Variants in DNAH12 observed in about 807,000 individuals in gnomAD.
The protein encoded by DNAH12 is dynein axonemal heavy chain 12, also known as axonemal beta dynein heavy chain 12.
DNAH12 carries 285 observed loss-of-function variants against 371.5 expected under a neutral mutation model. The ratio of observed to expected loss-of-function variants is 0.77; its 90% confidence interval spans 0.70 to 0.85. DNAH12 has a LOEUF of 0.85. Among genes scored for constraint, DNAH12 ranks in the 40% least tolerant of loss-of-function variants. The pLI is 0.00. For synonymous variants in DNAH12, 1,200 were observed against 1,213.0 expected, an observed-to-expected ratio of 0.99 and a Z score of 0.22; for missense variants, 3,611 against 3,689.4, an observed-to-expected ratio of 0.98 and a Z score of 0.55.
intron 11 of DNAH12, among the ~76,000 whole-genome samples, chr3:57,498,872 G>A (rs1337818322): frequency 1.3e-5 from 2 of 152,002 alleles, no homozygotes; most frequent in African/African-American, 2.4e-5. Flanking sequence ...GGTGATGGGT[G>A]CCTGTAATCC....
intron 39 of DNAH12, among the ~76,000 whole-genome samples, chr3:57,411,296 G>A (rs1298445988): frequency 6.6e-6 from 1 of 152,062 alleles, no homozygotes; most frequent in Non-Finnish European, 1.5e-5. Flanking sequence ...GGGAGGCCGA[G>A]GAAGGTGGAT....
chr3:57,408,641 A>T (rs1024139970), intron 39 of DNAH12, 106 bp from the exon 40 acceptor site: 2 of 1,315,388 alleles, frequency 1.5e-6, no homozygotes, highest in Non-Finnish European at 2.0e-6. Context: ...GCTTCTCTAA[A>T]AGGAATAACT....
chr3:57,487,896 T>G (rs947681746), intron 12 of DNAH12, among the ~76,000 whole-genome samples: 4 of 151,812 alleles, frequency 2.6e-5, no homozygotes, highest in East Asian at 1.9e-4. Flanking sequence ...TGTTTTTTGG[T>G]TTTTTTTAAC....
At chr3:57,508,581 T>A in intron 6 of DNAH12, 41 bp from the exon 7 acceptor site, 1 of 1,583,122 alleles carries the variant, frequency 6.3e-7, no homozygotes, top group South Asian at 1.2e-5. Context: ...ATGAAAATAA[T>A]ACACCCTAAA....
chr3:57,334,453 T>C lies in DNAH12; in HGVS notation c.9978+12A>G, dbSNP rs1368152089. ...TTATCTGGGTTCCAAATAGAACACA[T>C]TGGTCTTTTACCTTATCAGGTCTTA... is the stretch of plus-strand genomic sequence containing the variant. On this transcript the variant is annotated intron_variant, in intron 62 of 73. Coordinates refer to ENST00000495027, the MANE Select transcript of DNAH12 (RefSeq NM_001366028.2). 7 of 1,540,860 alleles carry C rather than the reference T, an allele frequency of 4.5e-6. No homozygotes were observed. In the East Asian group the frequency reaches 7.4e-5, roughly 16 times the overall value.
Position 57,359,788 on chromosome 3 carries a change from T to C in DNAH12, c.9361-2440A>G, listed in dbSNP as rs935964477. On this transcript the variant is annotated intron_variant, in intron 58 of 73. Coordinates refer to ENST00000495027, the MANE Select transcript of DNAH12 (RefSeq NM_001366028.2). ...AATAAACTTGTAAAGTTTTGTTTGTTTGTTTAATCTTGTGGGTTCAGGGAA... is the reference window on the plus strand; with the variant it reads ...AATAAACTTGTAAAGTTTTGTTTGTCTGTTTAATCTTGTGGGTTCAGGGAA... Among the ~76,000 whole-genome samples, 981 of 152,198 alleles carry C rather than the reference T, an allele frequency of 6.4e-3. 12 individuals carry two copies. Among genetic ancestry groups the C allele is most frequent in the African/African-American group, 0.023 (941 of 41,534 alleles).
chr3:57,303,916 G>T (rs2061414813), intron 69 of DNAH12, among the ~76,000 whole-genome samples: 1 of 152,124 alleles, frequency 6.6e-6, no homozygotes, highest in African/African-American at 2.4e-5. Context: ...TAAATGGCCT[G>T]TTCCTGCCTT....
At chr3:57,480,913 C>T (rs950379737) in intron 13 of DNAH12, among the ~76,000 whole-genome samples, 17 of 152,196 alleles carry the variant, frequency 1.1e-4, no homozygotes, top group East Asian at 3.9e-4. Context: ...ATTGATGGGA[C>T]GTATCTCAAA....
chr3:57,545,623 G>A (rs1353248697), upstream of DNAH12, among the ~76,000 whole-genome samples: 1 of 152,062 alleles, frequency 6.6e-6, no homozygotes, highest in East Asian at 1.9e-4. Context: ...GCATTAGGTA[G>A]ATAGCAAGGG....
chr3:57,510,639 GA>G (rs199820628), intron 5 of DNAH12, 150 bp downstream of exon 5: 18 of 740,618 alleles, frequency 2.4e-5, no homozygotes, highest in South Asian at 6.0e-5. Context: ...ATGTCTCGAA[GA>G]AAAAAAATAA....
chr3:57,420,927 A>AAAAG (rs1345523065), intron 36 of DNAH12, among the ~76,000 whole-genome samples: 1 of 151,534 alleles, frequency 6.6e-6, no homozygotes, highest in Non-Finnish European at 1.5e-5. Context: ...AAAAAAAAAA[A>AAAAG]AAAGAAAGAA....
At chr3:57,515,397 A>T (rs990394928) in intron 4 of DNAH12, among the ~76,000 whole-genome samples, 15 of 151,868 alleles carry the variant, frequency 9.9e-5, no homozygotes, top group African/African-American at 3.4e-4. Context: ...AAAAAAGACG[A>T]AAGAGTCAAC....
intron 11 of DNAH12, among the ~76,000 whole-genome samples, chr3:57,493,075 C>T (rs9311650): frequency 0.67 from 101,696 of 152,008 alleles, 34,244 homozygotes; most frequent in South Asian, 0.75. Context: ...ATATTTAGGA[C>T]TTATAGACAC....
At chr3:57,404,919 A>G (rs1298128824) in intron 42 of DNAH12, 50 bp downstream of exon 42, 2 of 1,407,938 alleles carry the variant, frequency 1.4e-6, no homozygotes, top group South Asian at 1.7e-5. Flanking sequence ...ACATTTCATA[A>G]TAACATTTTA....
At chr3:57,466,093 CCAG>C (rs1025183723) in intron 17 of DNAH12, among the ~76,000 whole-genome samples, 1 of 145,890 alleles carries the variant, frequency 6.9e-6, no homozygotes, top group African/African-American at 2.5e-5. Context: ...CACACACACA[CCAG>C]ATTAGTCATA....
intron 19 of DNAH12, among the ~76,000 whole-genome samples, chr3:57,461,117 G>A (rs2066042429): frequency 6.6e-6 from 1 of 152,032 alleles, no homozygotes; most frequent in Non-Finnish European, 1.5e-5. Flanking sequence ...TATGCTAGCT[G>A]TTTACAACTA....
At chr3:57,312,387 G>A (rs900183485) in intron 66 of DNAH12, among the ~76,000 whole-genome samples, 3 of 152,166 alleles carry the variant, frequency 2.0e-5, no homozygotes, top group East Asian at 3.9e-4. Flanking sequence ...GACTTCACGA[G>A]AATGTAATGT....
intron 19 of DNAH12, among the ~76,000 whole-genome samples, chr3:57,460,768 GCT>G (rs2066034316): frequency 6.6e-6 from 1 of 152,094 alleles, no homozygotes; most frequent in African/African-American, 2.4e-5. Context: ...TTGAACCCCA[GCT>G]CTGTCACTTA....
At chr3:57,403,569 A>G in intron 42 of DNAH12, 68 bp from the exon 43 acceptor site, 1 of 1,370,168 alleles carries the variant, frequency 7.3e-7, no homozygotes, top group Non-Finnish European at 9.8e-7. Context: ...ACATGTAACT[A>G]TTGTTTCACT....
Sources: allele counts gnomAD v4.1 joint callset (sites outside exome capture counted in the v4.1 genomes callset), GRCh38; gene constraint gnomAD v4.1.1; transcripts MANE v1.5; gene names NCBI Gene and HGNC (gene_info 2026-07-23, HGNC 2026-07-21).